Variants in PALM2AKAP2 observed in about 807,000 individuals in gnomAD.
The protein encoded by PALM2AKAP2 is PALM2 and AKAP2 fusion, also known as PALM2-AKAP2 fusion protein.
Under a neutral mutation model 71.5 loss-of-function variants are expected in PALM2AKAP2, and 37 were observed. The ratio of observed to expected loss-of-function variants is 0.52; its 90% confidence interval spans 0.40 to 0.68. PALM2AKAP2 has a LOEUF of 0.68. PALM2AKAP2 is among the 30% of genes least tolerant of loss of function. The probability of loss-of-function intolerance (pLI) is 0.00; values close to 1 mark genes in which losing one functional copy is unlikely to be tolerated. For missense variants in PALM2AKAP2, 1,224 were observed against 1,191.8 expected (o/e 1.03, Z -0.40); for synonymous variants, 468 against 478.8 (o/e 0.98, Z 0.29).
At chr9:109,798,648 A>T (rs1204185567) in intron 1 of PALM2AKAP2, among the ~76,000 whole-genome samples, 1 of 152,206 alleles carries the variant, frequency 6.6e-6, no homozygotes, top group Non-Finnish European at 1.5e-5. Flanking sequence ...CAAAATGTCA[A>T]CAGAGCTGCC....
intron 1 of PALM2AKAP2, among the ~76,000 whole-genome samples, chr9:110,129,573 T>G (rs2900505): frequency 0.48 from 73,503 of 152,068 alleles, 18,027 homozygotes; most frequent in African/African-American, 0.57. Context: ...CAGAGGGCCA[T>G]TTTTCAAGCA....
At chr9:109,699,416 T>C (rs181868589) in intron 1 of PALM2AKAP2, among the ~76,000 whole-genome samples, 6 of 152,350 alleles carry the variant, frequency 3.9e-5, no homozygotes, top group Admixed American at 6.5e-5. Context: ...TAATCAGAGA[T>C]GTAAATAAAG....
At chr9:109,889,591 C>T (rs1830040663) in intron 3 of PALM2AKAP2, among the ~76,000 whole-genome samples, 1 of 152,092 alleles carries the variant, frequency 6.6e-6, no homozygotes. Flanking sequence ...AATCTAGATG[C>T]TTAGGGTTTG....
At chr9:109,817,872 C>T (rs1014374593) in intron 1 of PALM2AKAP2, among the ~76,000 whole-genome samples, 4 of 152,216 alleles carry the variant, frequency 2.6e-5, no homozygotes, top group Non-Finnish European at 4.4e-5. Flanking sequence ...TCAGTTCACT[C>T]TTGGAACCTG....
intron 1 of PALM2AKAP2, among the ~76,000 whole-genome samples, chr9:109,815,988 C>A (rs148392151): frequency 1.3e-5 from 2 of 152,118 alleles, no homozygotes; most frequent in African/African-American, 4.8e-5. Flanking sequence ...GGTTATTAGC[C>A]TTTTTATGTA....
At chr9:109,771,253 G>A (rs1829257107) in intron 1 of PALM2AKAP2, among the ~76,000 whole-genome samples, 1 of 152,198 alleles carries the variant, frequency 6.6e-6, no homozygotes, top group African/African-American at 2.4e-5. Flanking sequence ...GGACTGACAA[G>A]CATACCAAGA....
At chr9:110,088,716 T>TG (rs1326066225) in intron 1 of PALM2AKAP2, among the ~76,000 whole-genome samples, 2 of 132,366 alleles carry the variant, frequency 1.5e-5, no homozygotes, top group Non-Finnish European at 1.6e-5. Flanking sequence ...TTTTTTTTTT[T>TG]TTTTTTTTTT....
At chr9:109,871,035 A>T (rs1448213882) in intron 2 of PALM2AKAP2, among the ~76,000 whole-genome samples, 1 of 152,222 alleles carries the variant, frequency 6.6e-6, no homozygotes, top group African/African-American at 2.4e-5. Flanking sequence ...TAAAATTCTC[A>T]CATGTGGCAA....
intron 1 of PALM2AKAP2, among the ~76,000 whole-genome samples, chr9:109,694,710 G>T (rs1265898065): frequency 1.3e-5 from 2 of 152,036 alleles, no homozygotes; most frequent in African/African-American, 4.8e-5. Context: ...ATCTGCCAGA[G>T]TAGAAAGGAA....
intron 3 of PALM2AKAP2, among the ~76,000 whole-genome samples, chr9:109,893,303 A>C (rs1830127118): frequency 6.6e-6 from 1 of 152,220 alleles, no homozygotes; most frequent in African/African-American, 2.4e-5. Flanking sequence ...TATCAGCTGA[A>C]GTAGAGGATG....
intron 1 of PALM2AKAP2, among the ~76,000 whole-genome samples, chr9:109,685,910 C>T (rs1222512530): frequency 6.6e-6 from 1 of 152,080 alleles, no homozygotes; most frequent in East Asian, 1.9e-4. Flanking sequence ...TCTTCTCAAA[C>T]CCTGCCTTGT....
At chr9:109,842,090 C>T (rs990067485) in intron 1 of PALM2AKAP2, among the ~76,000 whole-genome samples, 1 of 151,996 alleles carries the variant, frequency 6.6e-6, no homozygotes, top group Non-Finnish European at 1.5e-5. Context: ...CACAGACTCT[C>T]TGGGCCTCAG....
chr9:109,708,459 C>T (rs984852818), intron 1 of PALM2AKAP2, among the ~76,000 whole-genome samples: 20 of 152,166 alleles, frequency 1.3e-4, no homozygotes, highest in Non-Finnish European at 2.2e-4. Context: ...AAGCATCAAG[C>T]ATCATATGGC....
At chr9:109,779,020 T>C (rs1829390985), upstream of PALM2AKAP2, among the ~76,000 whole-genome samples, 1 of 152,218 alleles carries the variant, frequency 6.6e-6, no homozygotes. Context: ...TCCACCCGCC[T>C]TGGCCTCCCA....
chr9:109,961,754 C>A (rs569154821), intron 6 of PALM2AKAP2, among the ~76,000 whole-genome samples: 3 of 152,224 alleles, frequency 2.0e-5, no homozygotes, highest in Admixed American at 6.5e-5. Context: ...GACTCCTGTA[C>A]GCAAACTGTT....
intron 4 of PALM2AKAP2, among the ~76,000 whole-genome samples, chr9:109,924,456 C>T (rs1830907049): frequency 6.6e-6 from 1 of 151,960 alleles, no homozygotes; most frequent in Admixed American, 6.6e-5. Flanking sequence ...AAAAATTAGC[C>T]AGGTGCGGTG....
At chr9:109,718,817 C>T (rs926833473) in intron 1 of PALM2AKAP2, among the ~76,000 whole-genome samples, 1 of 152,206 alleles carries the variant, frequency 6.6e-6, no homozygotes, top group African/African-American at 2.4e-5. Context: ...GGAGCCTGAA[C>T]TTTCCACCCT....
chr9:109,867,623 C>T (rs1169028639), intron 2 of PALM2AKAP2, 52 bp downstream of exon 2: 4 of 1,566,398 alleles, frequency 2.6e-6, no homozygotes, highest in East Asian at 2.3e-5. Flanking sequence ...GCAGATCACA[C>T]TCCGGAGAGC....
At chr9:109,723,361 C>T (rs1207792156) in intron 1 of PALM2AKAP2, among the ~76,000 whole-genome samples, 1 of 152,076 alleles carries the variant, frequency 6.6e-6, no homozygotes, top group African/African-American at 2.4e-5. Context: ...CATGCTGTGT[C>T]CCCCCACCAA....
Sources: allele counts gnomAD v4.1 joint callset (sites outside exome capture counted in the v4.1 genomes callset), GRCh38; gene constraint gnomAD v4.1.1; transcripts MANE v1.5; gene names NCBI Gene and HGNC (gene_info 2026-07-23, HGNC 2026-07-21).